Variants in SYNE2 observed in about 807,000 individuals in gnomAD.
The protein encoded by SYNE2 is spectrin repeat containing nuclear envelope protein 2.
Under a neutral mutation model 856.3 loss-of-function variants are expected in SYNE2, and 431 were observed. The ratio of observed to expected loss-of-function variants is 0.50; its 90% CI spans 0.47 to 0.55. The LOEUF (loss-of-function observed/expected upper bound fraction) is 0.55. SYNE2 is among the 20% of genes least tolerant of loss of function. The probability of loss-of-function intolerance (pLI) is 0.00; values close to 1 mark genes in which losing one functional copy is unlikely to be tolerated. For missense variants in SYNE2, 8,129 were observed against 8,023.2 expected (o/e 1.01, Z -0.50); for synonymous variants, 2,923 against 2,872.3 (o/e 1.02, Z -0.56).
intron 1 of SYNE2, among the ~76,000 whole-genome samples, chr14:63,784,958 G>GT (rs1455810317): frequency 1.3e-5 from 2 of 151,436 alleles, no homozygotes; most frequent in African/African-American, 4.8e-5. Context: ...TTTTTTGGGG[G>GT]GGTGAGGGGT....
At chr14:63,904,355 G>C (rs751129078) in intron 1 of SYNE2, among the ~76,000 whole-genome samples, 1 of 152,170 alleles carries the variant, frequency 6.6e-6, no homozygotes, top group Admixed American at 6.6e-5. Flanking sequence ...GGATTGCTGG[G>C]TTGAATGTTA....
intron 61 of SYNE2, among the ~76,000 whole-genome samples, chr14:64,096,893 A>G (rs2097682133): frequency 6.6e-6 from 1 of 152,248 alleles, no homozygotes; most frequent in Non-Finnish European, 1.5e-5. Context: ...GGAAGACATA[A>G]CAAGGAAAGA....
At chr14:63,966,934 C>G (rs192409722) in intron 10 of SYNE2, among the ~76,000 whole-genome samples, 2 of 151,910 alleles carry the variant, frequency 1.3e-5, no homozygotes, top group Admixed American at 1.3e-4. Flanking sequence ...GGCGTGATCT[C>G]GGCTCACTGC....
chr14:64,117,453 CCAT>C (rs1419969959), intron 66 of SYNE2, among the ~76,000 whole-genome samples: 2 of 151,998 alleles, frequency 1.3e-5, no homozygotes, highest in African/African-American at 4.8e-5. Context: ...GCGTACACCA[CCAT>C]GCCTGGCTAA....
chr14:64,169,897 T>C (rs2098402351), intron 93 of SYNE2, among the ~76,000 whole-genome samples: 1 of 152,244 alleles, frequency 6.6e-6, no homozygotes, highest in Non-Finnish European at 1.5e-5. Context: ...TGCCTGTTCA[T>C]CTGTTTCCCT....
chr14:64,185,855 C>T lies in SYNE2; in HGVS notation c.17557-569C>T, dbSNP rs993827780. 2.6e-5 allele frequency among the ~76,000 whole-genome samples: 4 copies of T among 152,006 alleles called. No individual in the cohort carries two copies. The East Asian group carries it at 7.7e-4, about 29-fold the overall frequency. ...TTTTAAAAGATAGATGTTTCCATGG[C>T]CAGAAAAATATCTGCTAACTAATCT... On this transcript the variant is annotated intron_variant, in intron 96 of 115. Coordinates refer to ENST00000555002, the MANE Select transcript of SYNE2 (RefSeq NM_182914.3).
Position 63,815,205 on chromosome 14 carries a change from C to CATGTATATATGGATATATAT in SYNE2, c.-304-37294_-304-37293insGTATATATGGATATATATAT, listed in dbSNP as rs1888910263. 4.2e-5 allele frequency among the ~76,000 whole-genome samples: 4 copies of CATGTATATATGGATATATAT among 94,612 alleles called. 1 individual carries two copies. The highest frequency in any genetic ancestry group is 6.5e-5 in the Non-Finnish European group (3 of 46,074). The allele number at this position is 94,612 out of a possible 152,430, so 62.1% of individuals were successfully genotyped here. ...CCATATATATATCCATATATATATC[C>CATGTATATATGGATATATAT]ATATATATATCCATATATATATCCA... On this transcript the variant is annotated intron_variant, in intron 1 of 23. Transcript: ENST00000674003.
At chr14:64,069,626 C>G (rs1019276251) in intron 51 of SYNE2, among the ~76,000 whole-genome samples, 1 of 152,162 alleles carries the variant, frequency 6.6e-6, no homozygotes, top group Non-Finnish European at 1.5e-5. Flanking sequence ...TCCTAGACCC[C>G]AAAAGGTCCG....
In SYNE2 at chr14:64,016,162, C is replaced by CT. The variant is rs140531447; in HGVS notation, c.4729-304dup. 0.014 allele frequency among the ~76,000 whole-genome samples: 2,163 copies of CT among 151,158 alleles called. 59 individuals carry two copies. The highest frequency in any genetic ancestry group is 0.049 in the African/African-American group (2,026 of 41,198). ...TTTTTAATGCCATTGAATGCAGATG[C>CT]TTTTTTTGGCAGATAGAATCTTATT... On this transcript the variant is annotated intron_variant, in intron 32 of 115. Coordinates refer to ENST00000555002, the MANE Select transcript of SYNE2 (RefSeq NM_182914.3).
At chr14:64,148,976 CTTTTTTTT>C (rs59999990) in intron 84 of SYNE2, among the ~76,000 whole-genome samples, 4,990 of 141,618 alleles carry the variant, frequency 0.035, 253 homozygotes, top group African/African-American at 0.12. Flanking sequence ...GTTAATTTCT[CTTTTTTTT>C]TTTTTTTTTC....
intron 52 of SYNE2, among the ~76,000 whole-genome samples, chr14:64,071,217 G>T (rs1372414693): frequency 6.6e-6 from 1 of 152,042 alleles, no homozygotes; most frequent in Non-Finnish European, 1.5e-5. Context: ...AATTCAGGCC[G>T]AGCGCGGTGG....
At chr14:64,106,755 A>G (rs921275086) in intron 64 of SYNE2, among the ~76,000 whole-genome samples, 9 of 152,180 alleles carry the variant, frequency 5.9e-5, no homozygotes, top group African/African-American at 2.2e-4. Flanking sequence ...TTTTTTATGT[A>G]GTCAATACTA....
At position 64,137,892 on chromosome 14, in the gene SYNE2, A is replaced by C. The variant is rs570215074; in HGVS notation, c.14752A>C (p.Ile4918Leu). 6.2e-7 allele frequency: 1 copy of C among 1,614,108 alleles called. No homozygotes were observed. Among genetic ancestry groups the C allele is most frequent in the Non-Finnish European group, 8.5e-7 (1 of 1,180,044 alleles). Residue 4918 changes from isoleucine (I) to leucine (L), a missense_variant, in exon 79 of 116, where the codon ATC (isoleucine) becomes CTC (leucine). Ile to Leu is a conservative substitution (Grantham distance 5). This residue lies in a region of SYNE2 where 5,410 missense variants were observed against 5,284.8 expected (regional missense o/e 1.02). Transcript: ENST00000555002. Reference protein sequence around the residue: ...SVSCPELEGQIAKLEEQWLSL... With the variant: ...SVSCPELEGQLAKLEEQWLSL... Reference sequence around the variant, plus strand: ...GAGCTGTCCTGAATTAGAGGGCCAGATCGCAAAACTGGAAGAGCAGTGGTT... The same window carrying C: ...GAGCTGTCCTGAATTAGAGGGCCAGCTCGCAAAACTGGAAGAGCAGTGGTT...
intron 1 of SYNE2, among the ~76,000 whole-genome samples, chr14:63,877,794 T>C (rs2094761082): frequency 6.6e-6 from 1 of 152,218 alleles, no homozygotes; most frequent in Non-Finnish European, 1.5e-5. Context: ...TTCCTGTGTT[T>C]CCCTGACAGT....
At chr14:63,795,130 C>T (rs954611539) in intron 1 of SYNE2, among the ~76,000 whole-genome samples, 1 of 151,984 alleles carries the variant, frequency 6.6e-6, no homozygotes, top group Non-Finnish European at 1.5e-5. Context: ...TGAGTGTCAA[C>T]TTGATTGGAT....
intron 1 of SYNE2, among the ~76,000 whole-genome samples, chr14:63,796,158 A>T (rs2139780494): frequency 6.6e-6 from 1 of 152,280 alleles, no homozygotes; most frequent in South Asian, 2.1e-4. Context: ...TGCTAATATA[A>T]ATCAAATGTT....
intron 20 of SYNE2, 80 bp downstream of exon 20, chr14:63,990,649 A>G (rs1171985541): frequency 5.7e-6 from 7 of 1,233,608 alleles, no homozygotes; most frequent in Admixed American, 3.4e-5. Flanking sequence ...AAGGGGGGTG[A>G]TAGCCCTGTA....
At chr14:64,020,181 A>C (rs912190048) in intron 35 of SYNE2, 88 bp downstream of exon 35, 6 of 920,732 alleles carry the variant, frequency 6.5e-6, no homozygotes, top group Non-Finnish European at 1.1e-5. Context: ...CGACAGAGCA[A>C]AACCCTGTCT....
At chr14:64,047,597 T>G (rs2097195456) in intron 45 of SYNE2, among the ~76,000 whole-genome samples, 2 of 152,182 alleles carry the variant, frequency 1.3e-5, no homozygotes, top group African/African-American at 2.4e-5. Flanking sequence ...ATATCACAAA[T>G]CCTTGGTGTT....
Sources: allele counts gnomAD v4.1 joint callset (sites outside exome capture counted in the v4.1 genomes callset), GRCh38; gene constraint gnomAD v4.1.1; regional missense constraint gnomAD v4.1.1; transcripts MANE v1.5; gene names NCBI Gene and HGNC (gene_info 2026-07-23, HGNC 2026-07-21).